The following GLIS3 variants were observed in gnomAD, a reference collection of about 807,000 sequenced individuals.
The protein encoded by GLIS3 is zinc finger protein GLIS3.
GLIS3 carries 53 observed loss-of-function variants against 78.6 expected under a neutral mutation model. The ratio of observed to expected loss-of-function variants is 0.67; its 90% CI spans 0.54 to 0.85. The LOEUF (loss-of-function observed/expected upper bound fraction) is 0.85, where lower values mean the gene tolerates loss of function less well. Ranked by LOEUF, GLIS3 falls within the 40% of genes least tolerant of loss-of-function variation. The probability of loss-of-function intolerance (pLI) is 0.00; values close to 1 mark genes in which losing one functional copy is unlikely to be tolerated. For missense variants in GLIS3, 1,703 were observed against 1,231.1 expected (o/e 1.38, Z -5.74); for synonymous variants, 684 against 509.9 (o/e 1.34, Z -4.60).
chr9:4,420,937 G>C, the GLIS3 span, among the ~76,000 whole-genome samples: 1 of 152,114 alleles, frequency 6.6e-6, no homozygotes, highest in Non-Finnish European at 1.5e-5. Flanking sequence ...TGTAGCACTT[G>C]CATGAATATT....
intron 4 of GLIS3, among the ~76,000 whole-genome samples, chr9:3,980,010 G>A (rs952711958): frequency 6.6e-6 from 1 of 152,110 alleles, no homozygotes; most frequent in Non-Finnish European, 1.5e-5. Context: ...TTGCCGTTTA[G>A]GAGTCTGGGG....
intron 2 of GLIS3, among the ~76,000 whole-genome samples, chr9:4,243,617 G>C (rs1383922174): frequency 6.6e-6 from 1 of 152,190 alleles, no homozygotes; most frequent in South Asian, 2.1e-4. Context: ...TTGGAAGAAA[G>C]ATTTAATAGC....
intron 5 of GLIS3, chr9:3,932,769 T>A: frequency 2.3e-6 from 1 of 430,886 alleles, no homozygotes; most frequent in East Asian, 6.4e-5. Flanking sequence ...TGGAAATTAT[T>A]AGTAAGCATC....
chr9:4,292,199 G>A (rs558609923), intron 1 of GLIS3, among the ~76,000 whole-genome samples: 1 of 152,110 alleles, frequency 6.6e-6, no homozygotes, highest in Non-Finnish European at 1.5e-5. Context: ...GCAATTCATT[G>A]GTGGTCCATG....
chr9:4,030,964 C>A (rs756119314), intron 4 of GLIS3, among the ~76,000 whole-genome samples: 1 of 152,150 alleles, frequency 6.6e-6, no homozygotes, highest in African/African-American at 2.4e-5. Flanking sequence ...ATAACACAAC[C>A]ACCAGGATGG....
the GLIS3 span, among the ~76,000 whole-genome samples, chr9:4,451,585 C>T: frequency 6.6e-6 from 1 of 152,136 alleles, no homozygotes; most frequent in Non-Finnish European, 1.5e-5. Context: ...CCAAAATTGA[C>T]CACATAGTTG....
intron 4 of GLIS3, among the ~76,000 whole-genome samples, chr9:4,006,424 G>C (rs561480721): frequency 6.6e-6 from 1 of 151,740 alleles, no homozygotes; most frequent in East Asian, 1.9e-4. Flanking sequence ...TTTAGCTGCA[G>C]GCCAGATGAT....
chr9:4,321,564 A>C (rs1817529566), intron 2 of GLIS3, among the ~76,000 whole-genome samples: 1 of 151,680 alleles, frequency 6.6e-6, no homozygotes, highest in South Asian at 2.1e-4. Context: ...AAAATAAGAA[A>C]ATGAACATTT....
At chr9:4,483,450 TG>T in the GLIS3 span, among the ~76,000 whole-genome samples, 1 of 152,202 alleles carries the variant, frequency 6.6e-6, no homozygotes, top group Non-Finnish European at 1.5e-5. Flanking sequence ...CTGGGTGCGG[TG>T]GCTCACGCCT....
chr9:3,963,726 T>C (rs764005452), intron 4 of GLIS3, among the ~76,000 whole-genome samples: 60 of 152,184 alleles, frequency 3.9e-4, no homozygotes, highest in Admixed American at 7.2e-4. Context: ...ATTGGGTTCA[T>C]TGCCAATCCA....
rs554650199 is a variant in GLIS3 at position 4,343,693 on chromosome 9, G to T, written n.264+3388C>A. Among the ~76,000 whole-genome samples the T allele has an allele frequency of 3.9e-5, 6 of 152,272 alleles. No homozygotes were observed. The East Asian group carries it at 1.2e-3, about 29-fold the overall frequency. ...GCCCACCAACGGTGGACCGGATAAA[G>T]AAAATGCGGTACATACACACCACGG... is the stretch of plus-strand genomic sequence containing the variant. On this transcript the variant is annotated intron_variant and non_coding_transcript_variant, in intron 2 of 4. Transcript: ENST00000471664.
At chr9:4,393,874 T>C in the GLIS3 span, among the ~76,000 whole-genome samples, 3 of 152,340 alleles carry the variant, frequency 2.0e-5, no homozygotes, top group African/African-American at 7.2e-5. Context: ...TGTTTTAATC[T>C]GATTCTCTTT....
intron 8 of GLIS3, among the ~76,000 whole-genome samples, chr9:3,868,890 A>G (rs565206833): frequency 6.3e-4 from 96 of 152,058 alleles, no homozygotes; most frequent in African/African-American, 1.8e-3. Flanking sequence ...GTAGGCTATC[A>G]GTTTTCAGGA....
At chr9:4,237,075 T>A (rs1822831344) in intron 2 of GLIS3, among the ~76,000 whole-genome samples, 1 of 138,738 alleles carries the variant, frequency 7.2e-6, no homozygotes. Flanking sequence ...GAAAGCAATT[T>A]AGCAATAAGT....
intron 2 of GLIS3, among the ~76,000 whole-genome samples, chr9:4,251,964 CGA>C (rs1461828996): frequency 6.6e-6 from 1 of 152,084 alleles, no homozygotes; most frequent in Non-Finnish European, 1.5e-5. Context: ...GGGTTTGTGC[CGA>C]GAGATCTGCT....
At chr9:4,106,937 C>T (rs1331134501) in intron 4 of GLIS3, among the ~76,000 whole-genome samples, 1 of 152,024 alleles carries the variant, frequency 6.6e-6, no homozygotes, top group East Asian at 1.9e-4. Flanking sequence ...GTGGGAAAAA[C>T]TGAGTAATCC....
At chr9:4,085,306 C>T (rs1828926167) in intron 4 of GLIS3, among the ~76,000 whole-genome samples, 2 of 151,046 alleles carry the variant, frequency 1.3e-5, no homozygotes, top group Non-Finnish European at 3.0e-5. Context: ...TTGATATTTT[C>T]TAAGGGTTCT....
chr9:4,366,720 G>C, the GLIS3 span, among the ~76,000 whole-genome samples: 1 of 152,214 alleles, frequency 6.6e-6, no homozygotes, highest in East Asian at 1.9e-4. Flanking sequence ...GGAGGCTCCA[G>C]GCCTAGGAGT....
At chr9:4,490,150 G>C in the GLIS3 span, among the ~76,000 whole-genome samples, 1 of 152,246 alleles carries the variant, frequency 6.6e-6, no homozygotes, top group Non-Finnish European at 1.5e-5. Context: ...CCGCGCCCAG[G>C]AGGGCAGTGG....
Sources: gnomAD v4.1 joint callset for allele counts (sites outside exome capture counted in the v4.1 genomes callset) on GRCh38, gnomAD v4.1.1 for gene constraint, MANE v1.5 for transcripts, NCBI Gene and HGNC (gene_info 2026-07-23, HGNC 2026-07-21) for gene names.